The following ACER3 variants were observed in gnomAD, a reference collection of about 807,000 sequenced individuals.
ACER3 encodes alkCDase 3.
In ACER3, 16 loss-of-function variants were observed where a neutral mutation model predicts 48.9. The ratio of observed to expected loss-of-function variants is 0.33; its 90% CI spans 0.22 to 0.50. The LOEUF is 0.50. Among genes scored for constraint, ACER3 ranks in the 20% least tolerant of loss-of-function variants. ACER3 has a pLI of 0.98. For missense variants in ACER3, 227 were observed against 326.0 expected, an observed-to-expected ratio of 0.70 and a Z score of 2.34; for synonymous variants, 109 against 107.8, an observed-to-expected ratio of 1.01 and a Z score of -0.07.
intron 4 of ACER3, 79 bp downstream of exon 4, chr11:76,976,420 C>T: frequency 1.4e-6 from 1 of 738,632 alleles, no homozygotes; most frequent in Non-Finnish European, 2.2e-6. Context: ...ATAACTGATA[C>T]ATTTATATTA....
Position 76,985,721 on chromosome 11 carries a change from C to T in ACER3, c.399C>T (p.Thr133=), listed in dbSNP as rs1226344923. 1 of 1,500,652 alleles carries T rather than the reference C, an allele frequency of 6.7e-7. No individual in the cohort carries two copies. 93.0% of individuals were successfully genotyped at this position (1,500,652 alleles called of 1,614,324 possible). ...FTLVLFSLIV[T]TVYLKVKEPI... ...TAGTTCTATTCAGTTTAATAGTAAC[C>T]ACAGTAAGTCATATTTTGTTTCTAA... The change falls in exon 5 of 11, where the codon ACC becomes ACT. Residue 133 remains threonine, a synonymous_variant. Transcript: ENST00000532485.
At chr11:76,923,862 C>A (rs1169951570) in intron 1 of ACER3, among the ~76,000 whole-genome samples, 2 of 152,088 alleles carry the variant, frequency 1.3e-5, no homozygotes, top group Non-Finnish European at 2.9e-5. Flanking sequence ...TGGTACTGTT[C>A]CCTCTAATAT....
chr11:76,906,221 C>G (rs964632083), intron 1 of ACER3, among the ~76,000 whole-genome samples: 1 of 152,126 alleles, frequency 6.6e-6, no homozygotes, highest in African/African-American at 2.4e-5. Flanking sequence ...TGAAAGGCCA[C>G]AAGATTAGGA....
chr11:76,887,095 G>T (rs2134602367), intron 1 of ACER3, among the ~76,000 whole-genome samples: 1 of 147,190 alleles, frequency 6.8e-6, no homozygotes, highest in South Asian at 2.1e-4. Context: ...GTGAAACCCT[G>T]TCTCTACAAA....
At chr11:77,011,361 T>C (rs1949260212) in intron 7 of ACER3, 1 of 985,542 alleles carries the variant, frequency 1.0e-6, no homozygotes, top group South Asian at 4.7e-5. Flanking sequence ...CCCTGAGAGC[T>C]GAAGATTGGC....
intron 2 of ACER3, among the ~76,000 whole-genome samples, chr11:76,934,500 A>G (rs1947117117): frequency 1.3e-5 from 2 of 152,240 alleles, no homozygotes; most frequent in East Asian, 1.9e-4. Flanking sequence ...AGCCCGGCCA[A>G]CGCAGCGAAA....
At chr11:77,014,074 A>G (rs1949319617) in intron 7 of ACER3, among the ~76,000 whole-genome samples, 1 of 152,222 alleles carries the variant, frequency 6.6e-6, no homozygotes, top group South Asian at 2.1e-4. Context: ...GGGTATGTAC[A>G]GATGTACTGA....
Position 76,861,021 on chromosome 11 carries a change from C to T in ACER3, c.45C>T (p.Thr15=), listed in dbSNP as rs138662843. 2.6e-4 allele frequency: 398 copies of T among 1,547,696 alleles called. 3 individuals carry two copies. The African/African-American group carries it at 4.8e-3, about 19-fold the overall frequency. The change falls in exon 1 of 11, where the codon ACC becomes ACT. Residue 15 remains threonine (T), a synonymous_variant. Coordinates refer to ENST00000532485, the MANE Select transcript of ACER3 (RefSeq NM_018367.7). The part of the protein sequence containing the change: ...ADREGYWGPT[T]STLDWCEENY... ...GAGAGGGCTACTGGGGCCCCACGACCTCCACGCTGGACTGGTGCGAGGAGA... is the reference window on the plus strand; with the variant it reads ...GAGAGGGCTACTGGGGCCCCACGACTTCCACGCTGGACTGGTGCGAGGAGA...
chr11:76,933,326 G>A (rs1160888397), intron 2 of ACER3, among the ~76,000 whole-genome samples: 33 of 136,278 alleles, frequency 2.4e-4, no homozygotes, highest in Middle Eastern at 4.1e-3. Flanking sequence ...GGTGTTTCTC[G>A]CAGAGGGGGA....
At chr11:77,019,307 A>G (rs2135337334) in intron 9 of ACER3, among the ~76,000 whole-genome samples, 1 of 152,244 alleles carries the variant, frequency 6.6e-6, no homozygotes, top group East Asian at 1.9e-4. Context: ...AAAAATACAA[A>G]AATTATCTGG....
chr11:76,920,482 G>A (rs1946656571), intron 1 of ACER3, among the ~76,000 whole-genome samples: 1 of 152,050 alleles, frequency 6.6e-6, no homozygotes, highest in Admixed American at 6.5e-5. Flanking sequence ...CTCTATCTCA[G>A]CCTTAGGGGT....
In ACER3 at chr11:76,910,870, A is replaced by T. The variant is rs568227025; in HGVS notation, c.104-15687A>T. Among the ~76,000 whole-genome samples the T allele has an allele frequency of 8.5e-5, 13 of 152,352 alleles. No individual in the cohort carries two copies. The South Asian group carries it at 1.9e-3, about 22-fold the overall frequency. ...CACCCACAAATATAATGATTAAGTGATTATTATATGATAGAACATTATGCT... is the reference window on the plus strand; with the variant it reads ...CACCCACAAATATAATGATTAAGTGTTTATTATATGATAGAACATTATGCT... On this transcript the variant is annotated intron_variant, in intron 1 of 10. Transcript: ENST00000532485.
At chr11:76,987,209 T>A (rs1361125006) in intron 5 of ACER3, among the ~76,000 whole-genome samples, 1 of 152,234 alleles carries the variant, frequency 6.6e-6, no homozygotes, top group Non-Finnish European at 1.5e-5. Flanking sequence ...CAGGGACTTC[T>A]GTATTTGCTT....
At chr11:76,883,723 G>A (rs557464985) in intron 1 of ACER3, among the ~76,000 whole-genome samples, 8 of 152,226 alleles carry the variant, frequency 5.3e-5, no homozygotes, top group Admixed American at 3.3e-4. Flanking sequence ...GATTACAGGT[G>A]TGAGCCACTG....
intron 2 of ACER3, among the ~76,000 whole-genome samples, chr11:76,933,542 T>C (rs531814539): frequency 3.3e-4 from 50 of 151,964 alleles, no homozygotes; most frequent in African/African-American, 1.1e-3. Context: ...GCACCGTCCT[T>C]AATCCATTTA....
intron 2 of ACER3, among the ~76,000 whole-genome samples, chr11:76,937,912 C>T (rs545518968): frequency 8.5e-5 from 13 of 152,238 alleles, no homozygotes; most frequent in East Asian, 7.7e-4. Context: ...CGCTTTCCTA[C>T]GTTTATTTAC....
intron 5 of ACER3, among the ~76,000 whole-genome samples, chr11:76,990,169 C>T (rs141423173): frequency 0.022 from 3,323 of 152,312 alleles, 60 homozygotes; most frequent in Admixed American, 0.038. Context: ...TTACTCCTAT[C>T]TCTAAGTCCG....
At chr11:76,888,173 A>G (rs1469561054) in intron 1 of ACER3, among the ~76,000 whole-genome samples, 2 of 152,146 alleles carry the variant, frequency 1.3e-5, no homozygotes, top group African/African-American at 4.8e-5. Flanking sequence ...CTGTATAGCT[A>G]TATTCATGAA....
chr11:76,906,512 C>T (rs992818989), intron 1 of ACER3, among the ~76,000 whole-genome samples: 4 of 152,108 alleles, frequency 2.6e-5, no homozygotes, highest in African/African-American at 9.7e-5. Flanking sequence ...TAGTTCCCTG[C>T]CCACCAAATT....
Sources: gnomAD v4.1 joint callset for allele counts (sites outside exome capture counted in the v4.1 genomes callset) on GRCh38, gnomAD v4.1.1 for gene constraint, MANE v1.5 for transcripts, NCBI Gene and HGNC (gene_info 2026-07-23, HGNC 2026-07-21) for gene names.